PASK: variants seen among roughly 807,000 people sequenced by gnomAD.
PASK encodes PAS domain containing serine/threonine kinase.
In PASK, 110 loss-of-function variants were observed where a neutral mutation model predicts 121.0. The observed-to-expected ratio is 0.91, with a 90% CI of 0.78 to 1.06. PASK has a LOEUF of 1.06. Ranked by LOEUF, PASK falls within the 50% of genes least tolerant of loss-of-function variation. The probability of loss-of-function intolerance (pLI) is 0.00; values close to 1 mark genes in which losing one functional copy is unlikely to be tolerated. For synonymous variants in PASK, 686 were observed against 717.8 expected (o/e 0.96, Z 0.71); for missense variants, 1,643 against 1,702.3 (o/e 0.97, Z 0.61).
chr2:241,136,434 C>T (rs1359180821), intron 7 of PASK, among the ~76,000 whole-genome samples: 2 of 152,158 alleles, frequency 1.3e-5, no homozygotes, highest in Non-Finnish European at 2.9e-5. Flanking sequence ...GGCCTTCCTC[C>T]CAGGCCAGGA....
At chr2:241,114,482 C>T in intron 14 of PASK, 3 of 997,756 alleles carry the variant, frequency 3.0e-6, no homozygotes, top group Non-Finnish European at 3.6e-6. Flanking sequence ...ACCGTTTCTT[C>T]CCCCTGTCCC....
chr2:241,149,757 G>A (rs2067196376), upstream of PASK: 3 of 1,540,776 alleles, frequency 1.9e-6, no homozygotes, highest in African/African-American at 4.1e-5. Flanking sequence ...TGAAGGCGGA[G>A]GACGCGGGGC....
Position 241,122,791 on chromosome 2 carries a change from G to A in PASK, c.3013C>T (p.Leu1005=). The A allele has an allele frequency of 6.2e-7, 1 of 1,614,184 alleles. No homozygotes were observed. Among genetic ancestry groups the A allele is most frequent in the Non-Finnish European group, 8.5e-7 (1 of 1,180,010 alleles). ...YSQKYSTMSP[L]GSGAFGFVWT... ...ACGAAGCCGAAGGCCCCACTGCCCAGCGGGCTCATGGTACTGTACTTTTGG... is the reference window on the plus strand; with the variant it reads ...ACGAAGCCGAAGGCCCCACTGCCCAACGGGCTCATGGTACTGTACTTTTGG... Residue 1005 remains leucine, a synonymous_variant, in exon 12 of 18, where the codon CTG becomes TTG. Coordinates refer to ENST00000234040, the MANE Select transcript of PASK (RefSeq NM_015148.4).
chr2:241,147,620 CAA>C (rs780426829), intron 1 of PASK, among the ~76,000 whole-genome samples: 4 of 151,490 alleles, frequency 2.6e-5, no homozygotes, highest in Middle Eastern at 3.4e-3. Flanking sequence ...GACCCTGTCT[CAA>C]AAAATAAAAT....
chr2:241,144,281 G>A (rs2066851851), intron 1 of PASK, among the ~76,000 whole-genome samples: 1 of 152,162 alleles, frequency 6.6e-6, no homozygotes, highest in South Asian at 2.1e-4. Flanking sequence ...TGAAACACAA[G>A]TACACATTTA....
rs142775712 is a variant in PASK, at chr2:241,112,024, GAAAAT to G, written c.3533+211_3533+215del. Among the ~76,000 whole-genome samples the G allele has an allele frequency of 1.1e-4, 16 of 152,212 alleles. No homozygotes were observed. The East Asian group carries it at 2.9e-3, about 28-fold the overall frequency. On this transcript the variant is annotated intron_variant, in intron 15 of 17. Coordinates refer to ENST00000234040, the MANE Select transcript of PASK (RefSeq NM_015148.4). This position sits in a 1 kb window ranked among gnomAD's most constrained non-coding sequence, Gnocchi z 5.2. Reference sequence around the variant, plus strand: ...GAAACTCCAAACAAATAAAAGCTGAGAAAATAAAATTATTAACTCCTATATCCATC... The same window carrying G: ...GAAACTCCAAACAAATAAAAGCTGAGAAAATTATTAACTCCTATATCCATC...
chr2:241,114,504 G>A, intron 14 of PASK: 9 of 1,000,194 alleles, frequency 9.0e-6, no homozygotes, highest in Non-Finnish European at 1.1e-5. Context: ...CTGCTAGGGT[G>A]CCTTCCTATT....
chr2:241,130,595 ATTCATAGTAATATTGAAAACTCACGTG>A (rs2066080827), intron 9 of PASK, among the ~76,000 whole-genome samples: 1 of 152,074 alleles, frequency 6.6e-6, no homozygotes, highest in Admixed American at 6.5e-5. Flanking sequence ...CAGCAATATT[ATTCATAGTAATATTGAAAACTCACGTG>A]TTGAGCGCCT....
At chr2:241,117,688 T>C (rs765516592) in intron 12 of PASK, among the ~76,000 whole-genome samples, 1 of 152,060 alleles carries the variant, frequency 6.6e-6, no homozygotes, top group Non-Finnish European at 1.5e-5. Context: ...GAAAGAAAAA[T>C]AAATCACGTT....
At chr2:241,107,825 C>A (rs1439843528) in intron 16 of PASK, among the ~76,000 whole-genome samples, 1 of 152,174 alleles carries the variant, frequency 6.6e-6, no homozygotes, top group Non-Finnish European at 1.5e-5. Flanking sequence ...TGAGGGGATG[C>A]CAGCACAAGC....
At chr2:241,149,061 C>T (rs765735140) in intron 1 of PASK, among the ~76,000 whole-genome samples, 1 of 152,060 alleles carries the variant, frequency 6.6e-6, no homozygotes, top group Non-Finnish European at 1.5e-5. Context: ...TCTCCTGGAG[C>T]TCGCCCCGCA....
At chr2:241,124,529 A>G (rs1364915008) in intron 10 of PASK, among the ~76,000 whole-genome samples, 1 of 152,240 alleles carries the variant, frequency 6.6e-6, no homozygotes, top group Non-Finnish European at 1.5e-5. Flanking sequence ...TCGGCCTTCC[A>G]GTGACAAGAA....
intron 5 of PASK, 91 bp downstream of exon 5, chr2:241,138,563 A>G: frequency 1.4e-6 from 2 of 1,454,756 alleles, no homozygotes; most frequent in African/African-American, 1.4e-5. Flanking sequence ...CTTTCTTCCC[A>G]AAGGAATGAG....
chr2:241,106,881 G>A (rs1196245498), intron 17 of PASK, among the ~76,000 whole-genome samples, 158 bp from the exon 18 acceptor site: 1 of 152,208 alleles, frequency 6.6e-6, no homozygotes, highest in African/African-American at 2.4e-5. Context: ...GCCAAGGTGG[G>A]GATCTAAGCC....
At chr2:241,137,874 C>T (rs1321843405) in intron 6 of PASK, 79 bp downstream of exon 6, 25 of 1,532,530 alleles carry the variant, frequency 1.6e-5, no homozygotes, top group Non-Finnish European at 2.2e-5. Context: ...TTCAGAAACC[C>T]TTGGTCTGCG....
rs1325885436 is a variant in PASK, at chr2:241,126,293, C to A, written c.2622G>T (p.Thr874=). The A allele has an allele frequency of 6.2e-7, 1 of 1,614,016 alleles. No homozygotes were observed. Among genetic ancestry groups the A allele is most frequent in the Non-Finnish European group, 8.5e-7 (1 of 1,180,022 alleles). ...EPRLNVQVTS[T]PVIVMRGAAG... ...CAGCCCCGCGCATCACGATCACGGG[C>A]GTGGAGGTGACCTGGACGTTCAGCC... is the stretch of plus-strand genomic sequence containing the variant. The change falls in exon 10 of 18, where the codon ACG becomes ACT. Residue 874 remains threonine, a synonymous_variant. Coordinates refer to ENST00000234040, the MANE Select transcript of PASK (RefSeq NM_015148.4).
In PASK at chr2:241,140,477, C is replaced by G. The variant is rs369602068; in HGVS notation, c.429+44G>C. 218 of 1,368,238 alleles carry G rather than the reference C, an allele frequency of 1.6e-4. No homozygotes were observed. In the African/African-American group the frequency reaches 2.8e-3, roughly 18 times the overall value. 84.8% of individuals were successfully genotyped at this position (1,368,238 alleles called of 1,614,324 possible). On this transcript the variant is annotated intron_variant, in intron 3 of 17. Transcript: ENST00000234040. ...AATCCCAGGTTTAAGGCACAAACCA[C>G]AAATCCACATCTACACAGCTGGATC... is the stretch of plus-strand genomic sequence containing the variant.
chr2:241,144,282 T>C (rs973126404), intron 1 of PASK, among the ~76,000 whole-genome samples: 2 of 152,270 alleles, frequency 1.3e-5, no homozygotes, highest in African/African-American at 2.4e-5. Context: ...GAAACACAAG[T>C]ACACATTTAC....
intron 8 of PASK, chr2:241,134,341 TGA>T (rs1559388770): frequency 1.3e-5 from 2 of 152,126 alleles, no homozygotes; most frequent in Non-Finnish European, 2.9e-5. Flanking sequence ...AAGGACAGAC[TGA>T]GATAGAAAAA....
Sources: allele counts gnomAD v4.1 joint callset (sites outside exome capture counted in the v4.1 genomes callset), GRCh38; gene constraint gnomAD v4.1.1; non-coding constraint Gnocchi (gnomAD v3.1); transcripts MANE v1.5; gene names NCBI Gene and HGNC (gene_info 2026-07-23, HGNC 2026-07-21).